The following ZYG11A variants were observed in gnomAD, a reference collection of about 807,000 sequenced individuals.
ZYG11A encodes the protein zyg-11 family member A, cell cycle regulator, also known as protein zyg-11 homolog A.
Under a neutral mutation model 77.2 loss-of-function variants are expected in ZYG11A, and 62 were observed. That is an observed-to-expected ratio of 0.80 (90% confidence interval 0.65 to 0.99). ZYG11A has a LOEUF of 0.99. Among genes scored for constraint, ZYG11A ranks in the 50% least tolerant of loss-of-function variants. ZYG11A has a pLI of 0.00. For synonymous variants in ZYG11A, 315 were observed against 324.6 expected, an observed-to-expected ratio of 0.97 and a Z score of 0.32; for missense variants, 828 against 896.8, an observed-to-expected ratio of 0.92 and a Z score of 0.98.
In ZYG11A at chr1:52,877,760, T is replaced by C. The variant is rs1646286968; in HGVS notation, c.1621T>C (p.Trp541Arg). 2 of 1,551,952 alleles carry C rather than the reference T, an allele frequency of 1.3e-6. No individual in the cohort carries two copies. Among genetic ancestry groups the C allele is most frequent in the Non-Finnish European group, 1.7e-6 (2 of 1,147,078 alleles). Residue 541 changes from tryptophan (W) to arginine (R), a missense_variant, in exon 9 of 14, where the codon TGG becomes CGG. Transcript: ENST00000371528. ...CTTCTTGTTTACTTTGAAAGCACTT[T>C]GGAATCTTACAGATGGGTCTCCAGC... is the stretch of plus-strand genomic sequence containing the variant. ...VTFLFTLKAL[W>R]NLTDGSPAAC...
At chr1:52,854,658 C>T (rs943465256) in intron 2 of ZYG11A, 28 bp downstream of exon 2, 1 of 1,487,648 alleles carries the variant, frequency 6.7e-7, no homozygotes, top group African/African-American at 1.4e-5. Context: ...CTAAAGTCAG[C>T]TCTTGCAGTA....
At chr1:52,890,756 C>T (rs966477621) in intron 13 of ZYG11A, among the ~76,000 whole-genome samples, 1 of 151,636 alleles carries the variant, frequency 6.6e-6, no homozygotes, top group Non-Finnish European at 1.5e-5. Flanking sequence ...TAGCATCACA[C>T]CCAGCTAATT....
chr1:52,862,188 G>A (rs146162652), intron 4 of ZYG11A, among the ~76,000 whole-genome samples: 2,185 of 151,284 alleles, frequency 0.014, 62 homozygotes, highest in African/African-American at 0.051. Flanking sequence ...CAGCCTGGGC[G>A]ACAGAGCAAG....
At chr1:52,866,682 C>T (rs1646032710) in intron 6 of ZYG11A, 115 bp downstream of exon 6, 1 of 611,700 alleles carries the variant, frequency 1.6e-6, no homozygotes, top group Non-Finnish European at 2.9e-6. Context: ...GAGCATCTTC[C>T]ACAGAGAAGT....
intron 10 of ZYG11A, among the ~76,000 whole-genome samples, chr1:52,878,949 CAAAAA>C (rs914463472): frequency 3.7e-5 from 1 of 27,274 alleles, no homozygotes; most frequent in Non-Finnish European, 9.6e-5. Flanking sequence ...AAACTCTGCT[CAAAAA>C]AAAAAAAAAA....
intron 11 of ZYG11A, among the ~76,000 whole-genome samples, chr1:52,883,998 C>T (rs1372220152): frequency 5.9e-5 from 9 of 151,488 alleles, no homozygotes; most frequent in South Asian, 2.1e-4. Context: ...CTCCGCCTCC[C>T]GAGTAGCTGG....
At chr1:52,870,033 C>A (rs1345640385) in intron 8 of ZYG11A, among the ~76,000 whole-genome samples, 6 of 141,074 alleles carry the variant, frequency 4.3e-5, no homozygotes, top group Admixed American at 2.1e-4. Context: ...TCAGACGGGG[C>A]GGCCAGGCAG....
At chr1:52,882,523 G>A (rs1162792488) in intron 11 of ZYG11A, among the ~76,000 whole-genome samples, 1 of 152,028 alleles carries the variant, frequency 6.6e-6, no homozygotes, top group African/African-American at 2.4e-5. Context: ...CCTGTATCTT[G>A]GTTTACTCCC....
rs1246667076 is a variant in ZYG11A, at chr1:52,854,545, AC to A, written c.173del (p.Pro58LeufsTer17). ...ACCTGGAGAAATTGTGTTCTGAAAG[AC>A]CTGATGGAACACTGTGCCTTCCGGA... ...ANLEKLCSER[P>X]DGTLCLPEHW... is the part of the protein sequence containing the mutation. On this transcript the variant is annotated frameshift_variant, in exon 2 of 14. Coordinates refer to ENST00000371528, the MANE Select transcript of ZYG11A (RefSeq NM_001004339.3). LOFTEE classifies it high-confidence loss of function. The A allele has an allele frequency of 6.4e-7, 1 of 1,551,618 alleles. No homozygotes were observed. The highest frequency in any genetic ancestry group is 1.7e-4 in the Middle Eastern group (1 of 5,998).
rs1005446842 is a variant in ZYG11A at position 52,843,183 on chromosome 1, G to C, written c.90+210G>C. 9.2e-5 allele frequency among the ~76,000 whole-genome samples: 14 copies of C among 152,092 alleles called. 1 individual carries two copies. The highest frequency in any genetic ancestry group is 1.5e-4 in the Non-Finnish European group (10 of 67,994). On this transcript the variant is annotated intron_variant, in intron 1 of 13. Coordinates refer to ENST00000371528, the MANE Select transcript of ZYG11A (RefSeq NM_001004339.3). ...GGCGGCCTGGGCGCCGCGGAGCGGG[G>C]GGTGCTTTTCTGCGCCCGGCGAAGC...
At chr1:52,843,608 G>T (rs1271261934) in intron 1 of ZYG11A, among the ~76,000 whole-genome samples, 2 of 152,086 alleles carry the variant, frequency 1.3e-5, no homozygotes, top group Admixed American at 6.6e-5. Context: ...GTTACTCTTA[G>T]CTCTGGACAA....
intron 5 of ZYG11A, among the ~76,000 whole-genome samples, chr1:52,864,437 G>T (rs909965696): frequency 6.6e-6 from 1 of 152,048 alleles, no homozygotes; most frequent in South Asian, 2.1e-4. Flanking sequence ...GTAGAGACGG[G>T]GTTTCACCAT....
intron 8 of ZYG11A, among the ~76,000 whole-genome samples, chr1:52,869,633 C>T (rs1646102391): frequency 6.6e-6 from 1 of 151,914 alleles, no homozygotes. Context: ...AAAAGTCTCC[C>T]ATGTCTACCT....
intron 13 of ZYG11A, among the ~76,000 whole-genome samples, chr1:52,892,533 A>T (rs1646562981): frequency 6.6e-6 from 1 of 151,938 alleles, no homozygotes; most frequent in Non-Finnish European, 1.5e-5. Context: ...TGTCTCAAAA[A>T]AAAAAAGAAA....
Position 52,864,027 on chromosome 1 carries a change from A to G in ZYG11A, c.1196A>G (p.Gln399Arg). ...AATCACCCATTGGATTTGCGAGTGC[A>G]GTTCACAGCCAGTGCTTGCGCTCTC... is the stretch of plus-strand genomic sequence containing the variant. The part of the protein sequence containing the change: ...MRNHPLDLRV[Q>R]FTASACALNL... Residue 399 changes from glutamine to arginine, a missense_variant, in exon 5 of 14, where the codon CAG becomes CGG. By Grantham distance (43) the Gln-to-Arg change is conservative. Coordinates refer to ENST00000371528, the MANE Select transcript of ZYG11A (RefSeq NM_001004339.3). The G allele has an allele frequency of 6.4e-7, 1 of 1,551,732 alleles. No individual in the cohort carries two copies. The highest frequency in any genetic ancestry group is 8.7e-7 in the Non-Finnish European group (1 of 1,147,010).
intron 1 of ZYG11A, among the ~76,000 whole-genome samples, chr1:52,852,428 A>G (rs937313816): frequency 5.0e-5 from 7 of 141,294 alleles, no homozygotes; most frequent in Middle Eastern, 4.3e-3. Flanking sequence ...CAGTGATGCT[A>G]TCTTGGCTCA....
intron 1 of ZYG11A, among the ~76,000 whole-genome samples, chr1:52,849,638 GATTACAGGCGTGA>G (rs113441394): frequency 0.038 from 5,727 of 151,388 alleles, 332 homozygotes; most frequent in African/African-American, 0.13. Flanking sequence ...AGCGTGCTGG[GATTACAGGCGTGA>G]ACCACTGTGC....
intron 11 of ZYG11A, 60 bp from the exon 12 acceptor site, chr1:52,885,773 A>G (rs1646439264): frequency 3.8e-6 from 5 of 1,317,180 alleles, no homozygotes; most frequent in Non-Finnish European, 3.1e-6. Flanking sequence ...ATTTTGAAAC[A>G]TTTTGTTGTA....
intron 1 of ZYG11A, among the ~76,000 whole-genome samples, chr1:52,843,374 GA>G (rs1645490550): frequency 6.6e-6 from 1 of 152,174 alleles, no homozygotes; most frequent in Admixed American, 6.5e-5. Context: ...TTGCAGTCAT[GA>G]ACCCAAACGC....
Sources: gnomAD v4.1 joint callset for allele counts (sites outside exome capture counted in the v4.1 genomes callset) on GRCh38, gnomAD v4.1.1 for gene constraint, MANE v1.5 for transcripts, NCBI Gene and HGNC (gene_info 2026-07-23, HGNC 2026-07-21) for gene names.